SYNRG: variants seen among roughly 807,000 people sequenced by gnomAD.
SYNRG encodes the protein AP1 gamma subunit binding protein 1.
SYNRG carries 37 observed loss-of-function variants against 130.9 expected under a neutral mutation model. That is an observed-to-expected ratio of 0.28 (90% CI 0.22 to 0.37). The LOEUF (loss-of-function observed/expected upper bound fraction) is 0.37. Among genes scored for constraint, SYNRG ranks in the 10% least tolerant of loss-of-function variants. The probability of loss-of-function intolerance (pLI) is 1.00; values close to 1 mark genes in which losing one functional copy is unlikely to be tolerated. For missense variants in SYNRG, 1,338 were observed against 1,588.9 expected (o/e 0.84, Z 2.68); for synonymous variants, 539 against 568.1 (o/e 0.95, Z 0.73).
intron 6 of SYNRG, among the ~76,000 whole-genome samples, chr17:37,578,118 T>C (rs2060999172): frequency 6.6e-6 from 1 of 151,616 alleles, no homozygotes; most frequent in African/African-American, 2.4e-5. Flanking sequence ...GACCATGAGG[T>C]CAGGAGTTCA....
intron 19 of SYNRG, among the ~76,000 whole-genome samples, chr17:37,531,061 C>A (rs1229800944): frequency 6.6e-6 from 1 of 152,090 alleles, no homozygotes; most frequent in Non-Finnish European, 1.5e-5. Context: ...CAAGCCTGGG[C>A]AACATAGTGA....
chr17:37,579,497 AAG>A (rs2061117920), intron 6 of SYNRG: 1 of 1,187,802 alleles, frequency 8.4e-7, no homozygotes, highest in South Asian at 1.3e-5. Context: ...AAAAGGAATT[AAG>A]ATGTAGTACA....
chr17:37,570,951 G>T (rs183011553), intron 9 of SYNRG, 66 bp from the exon 10 acceptor site: 14 of 1,518,148 alleles, frequency 9.2e-6, no homozygotes, highest in South Asian at 1.3e-5. Flanking sequence ...ATCTGGCAGA[G>T]ACCGAAAGGT....
At position 37,553,157 on chromosome 17, in the gene SYNRG, A is replaced by C; in HGVS notation, c.2566T>G (p.Leu856Val). ...DLKHVMSDSSLDLPTVSGQHP... is the reference protein window; with the variant it reads ...DLKHVMSDSSVDLPTVSGQHP... Reference sequence around the variant, plus strand: ...TGGCCACTAACTGTTGGTAAATCCAAAGAGCTATCAGACATGACATGCTTA... The same window carrying C: ...TGGCCACTAACTGTTGGTAAATCCACAGAGCTATCAGACATGACATGCTTA... Residue 856 changes from leucine to valine, a missense_variant, in exon 14 of 22, where the codon TTG (leucine) becomes GTG (valine). Physicochemically the swap from Leu to Val is conservative, Grantham distance 32 (BLOSUM62 1). Around this residue, in one of 3 missense-constraint regions of SYNRG, gnomAD observed 1,146 missense variants for 1,342.3 expected, o/e 0.85. Transcript: ENST00000612223. The C allele has an allele frequency of 6.2e-7, 1 of 1,613,922 alleles. No homozygotes were observed. Among genetic ancestry groups the C allele is most frequent in the Middle Eastern group, 1.7e-4 (1 of 6,060 alleles).
At chr17:37,570,572 G>C in intron 10 of SYNRG, 65 bp downstream of exon 10, 1 of 1,539,540 alleles carries the variant, frequency 6.5e-7, no homozygotes, top group Non-Finnish European at 8.7e-7. Flanking sequence ...ATGTATCCCC[G>C]GAAAAAATGG....
chr17:37,566,955 C>T (rs2060044447), intron 11 of SYNRG: 1 of 152,178 alleles, frequency 6.6e-6, no homozygotes, highest in Non-Finnish European at 1.5e-5. Flanking sequence ...GGGAAACAGT[C>T]AGGTAAACCA....
intron 11 of SYNRG, among the ~76,000 whole-genome samples, chr17:37,564,201 T>C (rs1268498168): frequency 6.6e-6 from 1 of 152,184 alleles, no homozygotes; most frequent in African/African-American, 2.4e-5. Flanking sequence ...TCTGCTTTGT[T>C]GATTAGGCTC....
chr17:37,596,927 T>C (rs1298831296), intron 2 of SYNRG, among the ~76,000 whole-genome samples: 1 of 152,152 alleles, frequency 6.6e-6, no homozygotes, highest in African/African-American at 2.4e-5. Flanking sequence ...TTGTATTTTT[T>C]AGTAGAGATG....
At chr17:37,604,924 A>G (rs2063617306) in intron 1 of SYNRG, among the ~76,000 whole-genome samples, 1 of 152,188 alleles carries the variant, frequency 6.6e-6, no homozygotes, top group East Asian at 1.9e-4. Flanking sequence ...ACATTTATCA[A>G]TTACGTTTGC....
chr17:37,542,688 T>C (rs999797450), intron 14 of SYNRG, 123 bp from the exon 15 acceptor site: 4 of 721,438 alleles, frequency 5.5e-6, no homozygotes, highest in Non-Finnish European at 8.7e-6. Flanking sequence ...ATTAGCTAAA[T>C]TTAGAGTTTG....
intron 14 of SYNRG, among the ~76,000 whole-genome samples, chr17:37,551,257 C>T (rs1428646050): frequency 2.0e-5 from 3 of 152,184 alleles, no homozygotes; most frequent in Admixed American, 1.3e-4. Flanking sequence ...TTGCCATTTA[C>T]CCTCTACAAT....
chr17:37,542,223 T>G lies in SYNRG; in HGVS notation c.2951A>C (p.Asp984Ala), dbSNP rs2057825135. 5.6e-6 allele frequency: 9 copies of G among 1,614,220 alleles called. No homozygotes were observed. The highest frequency in any genetic ancestry group is 7.6e-6 in the Non-Finnish European group (9 of 1,180,042). Reference sequence around the variant, plus strand: ...GTCCTGTTTTGTGAAATCTTTATAGTCTCTGTTTTCATATTCCTTTTGCTC... The same window carrying G: ...GTCCTGTTTTGTGAAATCTTTATAGGCTCTGTTTTCATATTCCTTTTGCTC... ...TSEQKEYENR[D>A]YKDFTKQDLP... is the part of the protein sequence containing the mutation. The change falls in exon 15 of 22, where the codon GAC becomes GCC. Residue 984 changes from aspartate to alanine, a missense_variant. By Grantham distance (126) the Asp-to-Ala change is moderately radical (BLOSUM62 -2). This residue lies in a region of SYNRG where 1,146 missense variants were observed against 1,342.3 expected (regional missense o/e 0.85). Coordinates refer to ENST00000612223, the MANE Select transcript of SYNRG (RefSeq NM_007247.6).
Position 37,579,347 on chromosome 17 carries a change from C to T in SYNRG, c.590-1734G>A, listed in dbSNP as rs867704303. On this transcript the variant is annotated intron_variant, in intron 6 of 21. Transcript: ENST00000612223. ...CCCACATGGGGGAACTTCAACAGGC[C>T]CCTGCATAAAGTCACTGAATTCTTC... 5.4e-6 allele frequency: 7 copies of T among 1,304,018 alleles called. No individual in the cohort carries two copies. In the Admixed American group the frequency reaches 1.6e-4, roughly 30 times the overall value. 80.8% of individuals were successfully genotyped at this position (1,304,018 alleles called of 1,614,324 possible). A position where few individuals can be genotyped will look rare whatever the true frequency, so the allele number is the denominator to read the frequency against.
intron 14 of SYNRG, among the ~76,000 whole-genome samples, chr17:37,552,542 T>G (rs2058786880): frequency 6.6e-6 from 1 of 152,178 alleles, no homozygotes; most frequent in African/African-American, 2.4e-5. Context: ...ACACACACCC[T>G]CCTCTTTGCC....
At chr17:37,552,063 A>G (rs2058749437) in intron 14 of SYNRG, among the ~76,000 whole-genome samples, 1 of 152,168 alleles carries the variant, frequency 6.6e-6, no homozygotes, top group South Asian at 2.1e-4. Flanking sequence ...GATGGATGCA[A>G]TTTTGTTTTC....
At chr17:37,520,900 G>A (rs2054942198) in intron 19 of SYNRG, among the ~76,000 whole-genome samples, 1 of 152,136 alleles carries the variant, frequency 6.6e-6, no homozygotes, top group Non-Finnish European at 1.5e-5. Context: ...GGGAGCCCGT[G>A]CAGTGCCATG....
chr17:37,537,979 G>A (rs12943119), intron 18 of SYNRG, among the ~76,000 whole-genome samples: 31,421 of 152,110 alleles, frequency 0.21, 3,480 homozygotes, highest in Admixed American at 0.32. Context: ...GTCATTAAGC[G>A]GTCGAGAGAA....
chr17:37,570,542 A>G, intron 10 of SYNRG, 95 bp downstream of exon 10: 1 of 1,454,268 alleles, frequency 6.9e-7, no homozygotes, highest in Non-Finnish European at 9.1e-7. Context: ...TGTGCTCACC[A>G]TAATCCAGTA....
Position 37,517,467 on chromosome 17 carries a change from T to C in SYNRG, c.*1473A>G, listed in dbSNP as rs980363059. ...TCATCGGGAGCGAGTGAGAAAAGCC[T>C]TTCTCTCCTCGGTGCCTCTCTGTGC... On this transcript the variant is annotated 3_prime_UTR_variant, in exon 22 of 22. Coordinates refer to ENST00000612223, the MANE Select transcript of SYNRG (RefSeq NM_007247.6). 6.6e-6 allele frequency: 1 copy of C among 151,840 alleles called. No homozygotes were observed. The highest frequency in any genetic ancestry group is 1.5e-5 in the Non-Finnish European group (1 of 68,000). 9.4% of individuals were successfully genotyped at this position (151,840 alleles called of 1,614,324 possible). A position where few individuals can be genotyped will look rare whatever the true frequency, so the allele number is the denominator to read the frequency against.
Sources: allele counts gnomAD v4.1 joint callset (sites outside exome capture counted in the v4.1 genomes callset), GRCh38; gene constraint gnomAD v4.1.1; regional missense constraint gnomAD v4.1.1; transcripts MANE v1.5; gene names NCBI Gene and HGNC (gene_info 2026-07-23, HGNC 2026-07-21).